Variants in RBM6 observed in about 807,000 individuals in gnomAD.
RBM6 encodes RNA-binding protein 6.
Under a neutral mutation model 140.4 loss-of-function variants are expected in RBM6, and 23 were observed. The observed-to-expected ratio is 0.16, with a 90% CI of 0.12 to 0.23. The LOEUF is 0.23. RBM6 is among the 10% of genes least tolerant of loss of function. RBM6 has a pLI of 1.00. For missense variants in RBM6, 1,139 were observed against 1,386.7 expected, an observed-to-expected ratio of 0.82 and a Z score of 2.84; for synonymous variants, 439 against 475.6, an observed-to-expected ratio of 0.92 and a Z score of 1.00.
At chr3:50,018,827 G>A (rs2087326320) in intron 6 of RBM6, among the ~76,000 whole-genome samples, 1 of 151,936 alleles carries the variant, frequency 6.6e-6, no homozygotes, top group African/African-American at 2.4e-5. Flanking sequence ...GTGACCTCGT[G>A]ATTCGTCCAC....
intron 6 of RBM6, among the ~76,000 whole-genome samples, chr3:50,039,491 C>G (rs1044835447): frequency 6.4e-5 from 9 of 140,840 alleles, no homozygotes; most frequent in Non-Finnish European, 9.4e-5. Context: ...CACCCCCCCC[C>G]CCCCCACCCT....
At chr3:50,036,044 G>A (rs2088520009) in intron 6 of RBM6, among the ~76,000 whole-genome samples, 1 of 152,138 alleles carries the variant, frequency 6.6e-6, no homozygotes, top group Non-Finnish European at 1.5e-5. Context: ...ACAGACGTGA[G>A]CCACTGCGCC....
At chr3:50,075,098 G>A in intron 19 of RBM6, 103 bp from the exon 20 acceptor site, 1 of 1,358,836 alleles carries the variant, frequency 7.4e-7, no homozygotes, top group Non-Finnish European at 1.0e-6. Context: ...AGAGGTTGCA[G>A]TAAGCTGAGT....
intron 6 of RBM6, among the ~76,000 whole-genome samples, chr3:50,039,439 A>T (rs1462021558): frequency 1.3e-5 from 2 of 148,178 alleles, no homozygotes; most frequent in Non-Finnish European, 3.0e-5. Context: ...GGGTTTCACC[A>T]TGTTGGCCAG....
Position 49,968,970 on chromosome 3 carries a change from CTTT to C in RBM6, c.1323+233_1323+235del, listed in dbSNP as rs34699382. 6.0e-4 allele frequency among the ~76,000 whole-genome samples: 85 copies of C among 141,918 alleles called. 2 individuals carry two copies. In the South Asian group the frequency reaches 0.018, roughly 31 times the overall value. The allele number at this position is 141,918 out of a possible 152,430, so 93.1% of individuals were successfully genotyped here. ...GGTGTGAGCCACCGCGCCCGGCCTG[CTTT>C]TTTTTTTTTTCTTTAAATAAGACTT... On this transcript the variant is annotated intron_variant, in intron 3 of 20. Transcript: ENST00000266022.
At chr3:49,951,510 C>T (rs2083727341) in intron 1 of RBM6, among the ~76,000 whole-genome samples, 1 of 151,992 alleles carries the variant, frequency 6.6e-6, no homozygotes, top group Non-Finnish European at 1.5e-5. Flanking sequence ...GCTGGCATTA[C>T]AGACAAGGGC....
Position 50,065,097 on chromosome 3 carries a change from A to G in RBM6, c.2653A>G (p.Thr885Ala), listed in dbSNP as rs749793420. The G allele has an allele frequency of 2.5e-6, 4 of 1,613,236 alleles. No homozygotes were observed. The highest frequency in any genetic ancestry group is 2.2e-5 in the South Asian group (2 of 91,034). Residue 885 changes from threonine to alanine, a missense_variant, in exon 16 of 21, where the codon ACT (threonine) becomes GCT (alanine). By Grantham distance (58) the Thr-to-Ala change is moderately conservative. Transcript: ENST00000266022. Reference sequence around the variant, plus strand: ...CGTCTTTAAGAAGCCCCTGCCTCCTACTGTGAAGAAGGAAGAGAGTCCCCC... The same window carrying G: ...CGTCTTTAAGAAGCCCCTGCCTCCTGCTGTGAAGAAGGAAGAGAGTCCCCC... ...EDVFKKPLPPTVKKEESPPPP... is the reference protein window; with the variant it reads ...EDVFKKPLPPAVKKEESPPPP...
chr3:50,042,755 A>ATTT (rs1559622946), intron 6 of RBM6, among the ~76,000 whole-genome samples: 5 of 150,718 alleles, frequency 3.3e-5, no homozygotes, highest in African/African-American at 1.2e-4. Context: ...CTTTTTTTTA[A>ATTT]AAAAAAAAGA....
chr3:50,044,326 A>T (rs1412329572), intron 6 of RBM6, among the ~76,000 whole-genome samples: 1 of 152,158 alleles, frequency 6.6e-6, no homozygotes, highest in Non-Finnish European at 1.5e-5. Flanking sequence ...ATAGGCAATT[A>T]AGAATGGACA....
chr3:50,059,434 C>T, intron 10 of RBM6: 1 of 389,518 alleles, frequency 2.6e-6, no homozygotes, highest in Non-Finnish European at 4.6e-6. Context: ...CCAGAACTGA[C>T]ATCTATTCTG....
At chr3:50,030,719 C>T (rs2088105789) in intron 6 of RBM6, among the ~76,000 whole-genome samples, 1 of 152,118 alleles carries the variant, frequency 6.6e-6, no homozygotes, top group Admixed American at 6.6e-5. Context: ...TGATCAGGGA[C>T]CCAGGTTCTT....
chr3:49,989,058 A>T (rs936334888), intron 5 of RBM6, among the ~76,000 whole-genome samples: 27 of 151,576 alleles, frequency 1.8e-4, no homozygotes, highest in South Asian at 1.2e-3. Flanking sequence ...TTTTTTTTTT[A>T]AAAGTCCCTG....
chr3:50,033,108 C>T (rs2088280095), intron 6 of RBM6, among the ~76,000 whole-genome samples: 1 of 151,996 alleles, frequency 6.6e-6, no homozygotes, highest in Admixed American at 6.6e-5. Context: ...ACCAGCCTGG[C>T]CAACATGGAG....
At chr3:50,021,810 C>T (rs1459302495) in intron 6 of RBM6, among the ~76,000 whole-genome samples, 18 of 109,260 alleles carry the variant, frequency 1.6e-4, no homozygotes, top group South Asian at 6.6e-4. Context: ...TGGAGTGTGG[C>T]GGCACGATCT....
chr3:49,995,700 G>C (rs758962433), intron 5 of RBM6, among the ~76,000 whole-genome samples: 11 of 152,064 alleles, frequency 7.2e-5, no homozygotes, highest in Admixed American at 6.6e-5. Context: ...GGAAGAAAGG[G>C]GTAATAAAGT....
At chr3:50,041,967 T>C (rs540885964) in intron 6 of RBM6, among the ~76,000 whole-genome samples, 1 of 152,302 alleles carries the variant, frequency 6.6e-6, no homozygotes, top group South Asian at 2.1e-4. Context: ...AACCTGACTT[T>C]TAGTACTGTA....
chr3:50,061,893 G>A (rs1005778891), intron 14 of RBM6, 69 bp from the exon 15 acceptor site: 56 of 1,557,896 alleles, frequency 3.6e-5, no homozygotes, highest in South Asian at 6.1e-5. Flanking sequence ...GGAACTGTGC[G>A]CCTTAGACCT....
intron 6 of RBM6, among the ~76,000 whole-genome samples, chr3:50,025,962 C>A (rs967746192): frequency 6.6e-6 from 1 of 152,104 alleles, no homozygotes; most frequent in Non-Finnish European, 1.5e-5. Flanking sequence ...GGTGTGGTGG[C>A]AGACGCCTGT....
Position 50,057,051 on chromosome 3 carries a change from C to T in RBM6, c.1694-677C>T, listed in dbSNP as rs375040652. On this transcript the variant is annotated intron_variant, in intron 8 of 20. Coordinates refer to ENST00000266022, the MANE Select transcript of RBM6 (RefSeq NM_005777.3). ...AAACCTTAAGTAAGGGCCATATCTT[C>T]GGTAATTTTGTCCCCAGATGTGTTG... Among the ~76,000 whole-genome samples, 18 of 152,172 alleles carry T rather than the reference C, an allele frequency of 1.2e-4. No homozygotes were observed. In the East Asian group the frequency reaches 2.3e-3, roughly 20 times the overall value.
Sources: gnomAD v4.1 joint callset for allele counts (sites outside exome capture counted in the v4.1 genomes callset) on GRCh38, gnomAD v4.1.1 for gene constraint, MANE v1.5 for transcripts, NCBI Gene and HGNC (gene_info 2026-07-23, HGNC 2026-07-21) for gene names.